TCF7L1: variants seen among roughly 807,000 people sequenced by gnomAD.
TCF7L1 encodes the protein transcription factor 7 like 1, also known as transcription factor 7-like 1.
In TCF7L1, 18 loss-of-function variants were observed where a neutral mutation model predicts 63.7. That is an observed-to-expected ratio of 0.28 (90% CI 0.20 to 0.42). TCF7L1 has a LOEUF of 0.42. Ranked by LOEUF, TCF7L1 falls within the 10% of genes least tolerant of loss-of-function variation. The probability of loss-of-function intolerance (pLI) is 1.00; values close to 1 mark genes in which losing one functional copy is unlikely to be tolerated. For missense variants in TCF7L1, 654 were observed against 779.3 expected, an observed-to-expected ratio of 0.84 and a Z score of 1.91; for synonymous variants, 355 against 340.9, an observed-to-expected ratio of 1.04 and a Z score of -0.46.
chr2:85,228,897 T>C (rs1680012300), intron 3 of TCF7L1, among the ~76,000 whole-genome samples: 1 of 149,818 alleles, frequency 6.7e-6, no homozygotes. Flanking sequence ...GGTGGGCGCC[T>C]GCAGTCCCAG....
At chr2:85,144,957 C>CAGGAA (rs1407769756) in intron 3 of TCF7L1, among the ~76,000 whole-genome samples, 2 of 151,352 alleles carry the variant, frequency 1.3e-5, no homozygotes, top group Admixed American at 1.3e-4. Context: ...TGGTAGCACA[C>CAGGAA]ACCTATAATC....
intron 3 of TCF7L1, among the ~76,000 whole-genome samples, chr2:85,241,991 G>C (rs898052341): frequency 7.6e-6 from 1 of 130,816 alleles, no homozygotes; most frequent in African/African-American, 2.8e-5. Flanking sequence ...TTGCTTGCTT[G>C]CTTTTTTTTT....
intron 3 of TCF7L1, among the ~76,000 whole-genome samples, chr2:85,203,615 G>A (rs1205292249): frequency 6.6e-6 from 1 of 152,036 alleles, no homozygotes; most frequent in Non-Finnish European, 1.5e-5. Flanking sequence ...TGTAGTCACA[G>A]CTACTCAGGA....
chr2:85,299,865 A>ACACACACACACACACACACACACG (rs1681929243), intron 4 of TCF7L1, among the ~76,000 whole-genome samples: 1 of 119,504 alleles, frequency 8.4e-6, no homozygotes, highest in East Asian at 2.0e-4. Flanking sequence ...TCTCAAACAC[A>ACACACACACACACACACACACACG]CACACACACA....
At chr2:85,169,616 G>A (rs1678500593) in intron 3 of TCF7L1, among the ~76,000 whole-genome samples, 1 of 152,260 alleles carries the variant, frequency 6.6e-6, no homozygotes, top group African/African-American at 2.4e-5. Context: ...ATATTGTGTT[G>A]TTCCCTAATT....
At chr2:85,285,403 A>G (rs1013510525) in intron 4 of TCF7L1, among the ~76,000 whole-genome samples, 2 of 152,194 alleles carry the variant, frequency 1.3e-5, no homozygotes, top group Non-Finnish European at 2.9e-5. Flanking sequence ...TGGGATCTAC[A>G]GTGGGATGCC....
At chr2:85,221,926 A>G (rs376384854) in intron 3 of TCF7L1, among the ~76,000 whole-genome samples, 18 of 137,082 alleles carry the variant, frequency 1.3e-4, no homozygotes, top group African/African-American at 6.5e-4. Flanking sequence ...AGCAAAATCC[A>G]GACTTAAAAA....
At chr2:85,258,295 T>C (rs1486965012) in intron 3 of TCF7L1, among the ~76,000 whole-genome samples, 1 of 152,154 alleles carries the variant, frequency 6.6e-6, no homozygotes, top group African/African-American at 2.4e-5. Flanking sequence ...ACTTCCTTCC[T>C]GACCAGGCCA....
chr2:85,158,404 C>A (rs1304974267), intron 3 of TCF7L1, among the ~76,000 whole-genome samples: 2 of 152,134 alleles, frequency 1.3e-5, no homozygotes, highest in African/African-American at 2.4e-5. Context: ...GAAGCCAGTC[C>A]AGAACTCCGA....
At chr2:85,287,059 G>A (rs188577398) in intron 4 of TCF7L1, among the ~76,000 whole-genome samples, 130 of 152,250 alleles carry the variant, frequency 8.5e-4, no homozygotes, top group African/African-American at 3.0e-3. Flanking sequence ...TGTGAGCACC[G>A]TCCTGTTTCT....
chr2:85,301,209 G>A (rs1296957884), intron 4 of TCF7L1, among the ~76,000 whole-genome samples: 2 of 152,202 alleles, frequency 1.3e-5, no homozygotes, highest in African/African-American at 4.8e-5. Flanking sequence ...GGGAGAGACA[G>A]GTTGTACAAG....
chr2:85,176,100 G>C (rs1678672449), intron 3 of TCF7L1, among the ~76,000 whole-genome samples: 1 of 152,248 alleles, frequency 6.6e-6, no homozygotes. Context: ...CTCATGGCAA[G>C]GGTGGAAACT....
chr2:85,180,140 G>C (rs552304593), intron 3 of TCF7L1, among the ~76,000 whole-genome samples: 2 of 152,010 alleles, frequency 1.3e-5, no homozygotes, highest in Non-Finnish European at 2.9e-5. Context: ...GATCTCCTTT[G>C]AGAGATGGGG....
chr2:85,141,659 G>A (rs1430826075), intron 3 of TCF7L1, among the ~76,000 whole-genome samples: 2 of 152,220 alleles, frequency 1.3e-5, no homozygotes, highest in African/African-American at 4.8e-5. Context: ...AGGAGCCATA[G>A]GGCAGGCTTG....
chr2:85,270,067 C>A (rs900085323), intron 3 of TCF7L1, among the ~76,000 whole-genome samples: 1 of 152,234 alleles, frequency 6.6e-6, no homozygotes, highest in Non-Finnish European at 1.5e-5. Flanking sequence ...CCTGCAGGAG[C>A]CGCGGGGAAG....
chr2:85,215,537 G>A (rs896442068), intron 3 of TCF7L1, among the ~76,000 whole-genome samples: 1 of 152,184 alleles, frequency 6.6e-6, no homozygotes, highest in African/African-American at 2.4e-5. Context: ...GCGGGAACAT[G>A]GTCGAGTTGG....
intron 3 of TCF7L1, chr2:85,262,154 C>A: frequency 1.8e-6 from 1 of 546,668 alleles, no homozygotes; most frequent in South Asian, 1.4e-5. Context: ...TAACAAGGTT[C>A]GTATACTCAT....
rs572537237 is a variant in TCF7L1 at position 85,259,648 on chromosome 2, G to A, written c.442-23847G>A. On this transcript the variant is annotated intron_variant, in intron 3 of 11. Coordinates refer to ENST00000282111, the MANE Select transcript of TCF7L1 (RefSeq NM_031283.3). Reference sequence around the variant, plus strand: ...GAGACTGAAAAAATGTTGCGATTTAGCCATTTTGTTTTCTTTTTTCCTTGG... The same window carrying A: ...GAGACTGAAAAAATGTTGCGATTTAACCATTTTGTTTTCTTTTTTCCTTGG... 2.6e-5 allele frequency among the ~76,000 whole-genome samples: 4 copies of A among 152,326 alleles called. No individual in the cohort carries two copies. The South Asian group carries it at 8.3e-4, about 32-fold the overall frequency.
intron 3 of TCF7L1, among the ~76,000 whole-genome samples, chr2:85,247,791 C>T (rs1029612937): frequency 6.6e-6 from 1 of 152,188 alleles, no homozygotes; most frequent in African/African-American, 2.4e-5. Context: ...TGCCTGCATA[C>T]TTATATACCA....
Sources: gnomAD v4.1 joint callset for allele counts (sites outside exome capture counted in the v4.1 genomes callset) on GRCh38, gnomAD v4.1.1 for gene constraint, MANE v1.5 for transcripts, NCBI Gene and HGNC (gene_info 2026-07-23, HGNC 2026-07-21) for gene names.